Variants in CCDC146 observed in about 807,000 individuals in gnomAD.
CCDC146 encodes coiled-coil domain-containing protein 146.
A neutral mutation model predicts 119.3 loss-of-function variants in CCDC146; 92 were observed. The ratio of observed to expected loss-of-function variants is 0.77; its 90% confidence interval spans 0.65 to 0.92. The LOEUF is 0.92. Among genes scored for constraint, CCDC146 ranks in the 40% least tolerant of loss-of-function variants. The probability of loss-of-function intolerance (pLI) is 0.00; values close to 1 mark genes in which losing one functional copy is unlikely to be tolerated. For synonymous variants in CCDC146, 372 were observed against 371.8 expected (o/e 1.00, Z -0.01); for missense variants, 1,000 against 1,103.0 (o/e 0.91, Z 1.32).
intron 2 of CCDC146, 93 bp from the exon 3 acceptor site, chr7:77,236,854 A>G: frequency 1.1e-6 from 1 of 929,922 alleles, no homozygotes; most frequent in Non-Finnish European, 1.7e-6. Context: ...TGTTTAATGG[A>G]GGATTTTATA....
Position 77,286,781 on chromosome 7 carries a change from T to A in CCDC146, c.2149-17T>A. On this transcript the variant is annotated splice_polypyrimidine_tract_variant and intron_variant, in intron 15 of 18. Coordinates refer to ENST00000285871, the MANE Select transcript of CCDC146 (RefSeq NM_020879.3). ...GCTAGAGCGTTCATTTTAAAGTTAA[T>A]GTTTTTTTCTTAATAGTTTTCACAG... 6.2e-7 allele frequency: 1 copy of A among 1,611,024 alleles called. No homozygotes were observed. The highest frequency in any genetic ancestry group is 8.5e-7 in the Non-Finnish European group (1 of 1,178,542).
intron 1 of CCDC146, among the ~76,000 whole-genome samples, chr7:77,139,624 G>T (rs1345883422): frequency 6.6e-6 from 1 of 152,096 alleles, no homozygotes; most frequent in East Asian, 1.9e-4. Flanking sequence ...GGAACAAGGA[G>T]TATGCTGGAA....
chr7:77,291,709 A>G (rs1199737358), intron 17 of CCDC146, among the ~76,000 whole-genome samples: 2 of 152,224 alleles, frequency 1.3e-5, no homozygotes, highest in Admixed American at 6.5e-5. Flanking sequence ...CCCTGTCTCA[A>G]AACAAACGAA....
At chr7:77,292,721 AC>A (rs2150560231) in intron 17 of CCDC146, among the ~76,000 whole-genome samples, 1 of 152,154 alleles carries the variant, frequency 6.6e-6, no homozygotes, top group African/African-American at 2.4e-5. Flanking sequence ...AAATCCAGTA[AC>A]TAGATAAACA....
At chr7:77,274,166 T>C (rs1397507500) in intron 10 of CCDC146, among the ~76,000 whole-genome samples, 1 of 152,226 alleles carries the variant, frequency 6.6e-6, no homozygotes, top group Non-Finnish European at 1.5e-5. Flanking sequence ...TCTATCATGT[T>C]AACCCATCGA....
Position 77,196,303 on chromosome 7 carries a change from G to A in CCDC146, c.156+28479G>A, listed in dbSNP as rs746556008. The A allele has an allele frequency of 6.2e-7, 1 of 1,613,890 alleles. No homozygotes were observed. The highest frequency in any genetic ancestry group is 2.2e-5 in the East Asian group (1 of 44,864). ...TTTATGGCTTAAAGTGCTTGGGTCT[G>A]ATCATCATCTTAGCCTCTTTGAAGG... is the stretch of plus-strand genomic sequence containing the variant. On this transcript the variant is annotated intron_variant, in intron 2 of 18. Transcript: ENST00000285871. The surrounding 1 kb of genome is among the most constrained non-coding windows in gnomAD (Gnocchi z 4.2).
chr7:77,228,536 C>T (rs1792561787), intron 2 of CCDC146, among the ~76,000 whole-genome samples: 1 of 152,220 alleles, frequency 6.6e-6, no homozygotes, highest in Admixed American at 6.5e-5. Context: ...ATGTGTACCC[C>T]ATTTTCTTCA....
intron 1 of CCDC146, among the ~76,000 whole-genome samples, chr7:77,142,208 T>C (rs1239062916): frequency 1.3e-5 from 2 of 152,142 alleles, no homozygotes; most frequent in African/African-American, 4.8e-5. Flanking sequence ...TATTGGAAGT[T>C]CTGGCCAGGG....
intron 14 of CCDC146, 59 bp from the exon 15 acceptor site, chr7:77,282,498 G>T: frequency 1.8e-6 from 2 of 1,138,752 alleles, no homozygotes; most frequent in South Asian, 3.0e-5. Flanking sequence ...GAACCACAAT[G>T]ACTAGTAAAA....
chr7:77,165,087 G>T (rs1269578277), intron 1 of CCDC146, among the ~76,000 whole-genome samples: 1 of 152,190 alleles, frequency 6.6e-6, no homozygotes, highest in African/African-American at 2.4e-5. Context: ...CATTTTACCT[G>T]CTCTCTCTCC....
intron 5 of CCDC146, among the ~76,000 whole-genome samples, chr7:77,255,773 A>T (rs1407153301): frequency 6.6e-6 from 1 of 152,168 alleles, no homozygotes; most frequent in African/African-American, 2.4e-5. Context: ...AAGATCTTTG[A>T]TGATTCTGGG....
intron 2 of CCDC146, among the ~76,000 whole-genome samples, chr7:77,230,957 G>A (rs957803799): frequency 2.6e-5 from 4 of 152,112 alleles, no homozygotes; most frequent in Admixed American, 6.6e-5. Context: ...TATGTTCTGC[G>A]ATTTCAGGTA....
intron 2 of CCDC146, among the ~76,000 whole-genome samples, chr7:77,197,271 G>A (rs1266855006): frequency 6.6e-6 from 1 of 152,234 alleles, no homozygotes; most frequent in Non-Finnish European, 1.5e-5. Flanking sequence ...TAATAATTTA[G>A]TATTATGTAG....
At position 77,153,848 on chromosome 7, in the gene CCDC146, T is replaced by C. The variant is rs555887091; in HGVS notation, c.-11-13810T>C. Among the ~76,000 whole-genome samples, 316 of 152,086 alleles carry C rather than the reference T, an allele frequency of 2.1e-3. 5 individuals are homozygous for C. Among genetic ancestry groups the C allele is most frequent in the Middle Eastern group, 3.4e-3 (1 of 294 alleles). ...GAAAAATCAAGTTTACACAAAAATG[T>C]GTATGAGAATATTTATGGAGCCTTA... On this transcript the variant is annotated intron_variant, in intron 1 of 18. Transcript: ENST00000285871.
chr7:77,123,457 T>TGTGTGTGTGTGTG (rs1790653905), intron 1 of CCDC146, among the ~76,000 whole-genome samples: 1 of 141,420 alleles, frequency 7.1e-6, no homozygotes, highest in Non-Finnish European at 1.6e-5. Context: ...TGTGTGTGTG[T>TGTGTGTGTGTGTG]TTACCTTTTA....
chr7:77,167,579 T>A (rs1791354787), intron 1 of CCDC146, 79 bp from the exon 2 acceptor site: 1 of 1,095,596 alleles, frequency 9.1e-7, no homozygotes, highest in Non-Finnish European at 1.2e-6. Flanking sequence ...TTTTTGTTTA[T>A]TTTTATTATT....
At chr7:77,208,655 T>G (rs1429800661) in intron 2 of CCDC146, among the ~76,000 whole-genome samples, 1 of 152,212 alleles carries the variant, frequency 6.6e-6, no homozygotes, top group Non-Finnish European at 1.5e-5. Flanking sequence ...TCATTCTGTT[T>G]CTCTTTGTCT....
intron 2 of CCDC146, among the ~76,000 whole-genome samples, chr7:77,197,746 T>C (rs1226939341): frequency 6.6e-6 from 1 of 152,208 alleles, no homozygotes; most frequent in Non-Finnish European, 1.5e-5. Flanking sequence ...AAAAGAAGTA[T>C]CTTTTTCAAT....
At chr7:77,200,328 A>T (rs1379863588) in intron 2 of CCDC146, among the ~76,000 whole-genome samples, 1 of 152,232 alleles carries the variant, frequency 6.6e-6, no homozygotes. Context: ...TCTAAGTGTA[A>T]CAAAGTACAG....
Sources: allele counts gnomAD v4.1 joint callset (sites outside exome capture counted in the v4.1 genomes callset), GRCh38; gene constraint gnomAD v4.1.1; non-coding constraint Gnocchi (gnomAD v3.1); transcripts MANE v1.5; gene names NCBI Gene and HGNC (gene_info 2026-07-23, HGNC 2026-07-21).